LOXL2: variants seen among roughly 807,000 people sequenced by gnomAD.
LOXL2 encodes the protein lysyl oxidase homolog 2.
In LOXL2, 70 loss-of-function variants were observed where a neutral mutation model predicts 93.0. The ratio of observed to expected loss-of-function variants is 0.75; its 90% CI spans 0.62 to 0.92. The LOEUF is 0.92. Among genes scored for constraint, LOXL2 ranks in the 40% least tolerant of loss-of-function variants. The pLI is 0.00. For missense variants in LOXL2, 973 were observed against 1,054.9 expected (o/e 0.92, Z 1.08); for synonymous variants, 438 against 413.2 (o/e 1.06, Z -0.73).
intron 9 of LOXL2, among the ~76,000 whole-genome samples, chr8:23,314,962 G>T (rs1803371134): frequency 6.6e-6 from 1 of 152,210 alleles, no homozygotes; most frequent in Non-Finnish European, 1.5e-5. Context: ...GGAGGGGGTG[G>T]CCAGCGAGGA....
At chr8:23,370,139 C>T (rs1392828838) in intron 1 of LOXL2, among the ~76,000 whole-genome samples, 2 of 152,116 alleles carry the variant, frequency 1.3e-5, no homozygotes, top group African/African-American at 4.8e-5. Flanking sequence ...CTTCGGTTCC[C>T]ACGACGGTGT....
intron 1 of LOXL2, among the ~76,000 whole-genome samples, chr8:23,375,128 T>G (rs1245120431): frequency 6.6e-6 from 1 of 152,228 alleles, no homozygotes; most frequent in South Asian, 2.1e-4. Context: ...TTGTATAAGG[T>G]GTAACGAAGG....
At chr8:23,375,891 T>C (rs1435898758) in intron 1 of LOXL2, among the ~76,000 whole-genome samples, 2 of 152,188 alleles carry the variant, frequency 1.3e-5, no homozygotes, top group African/African-American at 4.8e-5. Context: ...CAAACAGGGA[T>C]AATTTGACTT....
intron 10 of LOXL2, among the ~76,000 whole-genome samples, chr8:23,304,636 A>G (rs949281037): frequency 6.6e-6 from 1 of 152,208 alleles, no homozygotes; most frequent in African/African-American, 2.4e-5. Context: ...GCAAGATTGA[A>G]TAAGATGAAC....
intron 5 of LOXL2, among the ~76,000 whole-genome samples, chr8:23,329,370 T>A (rs1803637363): frequency 6.6e-6 from 1 of 152,220 alleles, no homozygotes; most frequent in Non-Finnish European, 1.5e-5. Context: ...CCCCCAGTGT[T>A]CACTGACAGT....
intron 1 of LOXL2, among the ~76,000 whole-genome samples, chr8:23,374,571 G>A (rs1439153695): frequency 2.6e-5 from 4 of 152,202 alleles, no homozygotes; most frequent in Non-Finnish European, 5.9e-5. Context: ...CACCAACAGT[G>A]TAAAAGTGTT....
intron 3 of LOXL2, among the ~76,000 whole-genome samples, chr8:23,345,193 T>C (rs940103514): frequency 6.6e-6 from 1 of 152,166 alleles, no homozygotes; most frequent in Non-Finnish European, 1.5e-5. Context: ...AGCCAGTAAG[T>C]AGGTAAACAA....
At chr8:23,350,115 C>T (rs6981769) in intron 3 of LOXL2, among the ~76,000 whole-genome samples, 74,664 of 151,876 alleles carry the variant, frequency 0.49, 19,781 homozygotes, top group African/African-American at 0.71. Flanking sequence ...CTGACACCAA[C>T]ACATAGTTAC....
At chr8:23,309,544 G>T in intron 10 of LOXL2, 124 bp downstream of exon 10, 1 of 1,148,036 alleles carries the variant, frequency 8.7e-7, no homozygotes, top group Non-Finnish European at 1.1e-6. Context: ...CACTTAGGAG[G>T]ATCCTATCCC....
At chr8:23,360,738 G>GTGA (rs1183523293) in intron 2 of LOXL2, among the ~76,000 whole-genome samples, 2 of 152,124 alleles carry the variant, frequency 1.3e-5, no homozygotes, top group Non-Finnish European at 2.9e-5. Context: ...ACTAAAAATA[G>GTGA]TGATGATGAT....
At chr8:23,333,093 C>A (rs1017489049) in intron 5 of LOXL2, among the ~76,000 whole-genome samples, 1 of 152,178 alleles carries the variant, frequency 6.6e-6, no homozygotes, top group African/African-American at 2.4e-5. Context: ...AGTTGGGTCA[C>A]ATTTCCAGCT....
Position 23,333,482 on chromosome 8 carries a change from T to C in LOXL2, c.885A>G (p.Leu295=), listed in dbSNP as rs2294127. 7.6e-3 allele frequency: 12,325 copies of C among 1,613,910 alleles called. 1,017 individuals are homozygous for C. The East Asian group carries it at 0.2, about 27-fold the overall frequency. The change falls in exon 5 of 14, where the codon CTA becomes CTG. Residue 295 remains leucine, a synonymous_variant. Coordinates refer to ENST00000389131, the MANE Select transcript of LOXL2 (RefSeq NM_002318.3). The part of the protein sequence containing the change: ...PMKNVTCENG[L]PAVVSCVPGQ... ...CAGGCACACAACTCACCACGGCCGG[T>C]AGCCCATTCTCGCAGGTGACATTCT...
Position 23,333,454 on chromosome 8 carries a change from G to T in LOXL2, c.913C>A (p.Gln305Lys). Residue 305 changes from glutamine (Q) to lysine (K), a missense_variant, in exon 5 of 14, where the codon CAG becomes AAG. Transcript: ENST00000389131. ...LPAVVSCVPG[Q>K]VFSPDGPSRF... ...GAGGGTCCGTCAGGGCTGAAGACCT[G>T]CCCAGGCACACAACTCACCACGGCC... The T allele has an allele frequency of 1.2e-6, 2 of 1,613,932 alleles. No homozygotes were observed. The highest frequency in any genetic ancestry group is 1.7e-6 in the Non-Finnish European group (2 of 1,180,038).
intron 5 of LOXL2, among the ~76,000 whole-genome samples, chr8:23,330,853 G>A (rs1212386504): frequency 3.9e-5 from 6 of 152,010 alleles, no homozygotes; most frequent in African/African-American, 1.4e-4. Flanking sequence ...GGGACATGGC[G>A]CTGTCCAGGC....
chr8:23,333,519 AGTGAC>A lies in LOXL2; in HGVS notation c.843_847del (p.Ser282GlyfsTer27), dbSNP rs2117173081. ...GCAGGTGACATTCTTCATGGGGTCC[AGTGAC>A]ACCTGGGGGCCCAGCTTGCAGCTGG... On this transcript the variant is annotated frameshift_variant, in exon 5 of 14. Coordinates refer to ENST00000389131, the MANE Select transcript of LOXL2 (RefSeq NM_002318.3). LOFTEE classifies it high-confidence loss of function. 6.2e-7 allele frequency: 1 copy of A among 1,614,034 alleles called. No individual in the cohort carries two copies. Among genetic ancestry groups the A allele is most frequent in the East Asian group, 2.2e-5 (1 of 44,886 alleles).
At position 23,309,787 on chromosome 8, in the gene LOXL2, G is replaced by C; in HGVS notation, c.1761C>G (p.Thr587=). The C allele has an allele frequency of 6.2e-7, 1 of 1,603,630 alleles. No homozygotes were observed. The highest frequency in any genetic ancestry group is 8.5e-7 in the Non-Finnish European group (1 of 1,175,324). The change falls in exon 10 of 14, where the codon ACC becomes ACG. Residue 587 remains threonine, a synonymous_variant. Transcript: ENST00000389131. ...ENCLSASAAQ[T]DPTTGYRRLL... ...GCCGGCGGTAGCCCGTGGTGGGGTC[G>C]GTCTGCGCGGCTGAGGCCGAGAGGC...
chr8:23,359,674 C>T (rs533207339), intron 3 of LOXL2, among the ~76,000 whole-genome samples: 2 of 152,354 alleles, frequency 1.3e-5, no homozygotes, highest in South Asian at 4.1e-4. Flanking sequence ...CTCTTTTCAG[C>T]TGCAAAACCT....
At chr8:23,402,155 C>T (rs1411578026) in intron 1 of LOXL2, among the ~76,000 whole-genome samples, 1 of 152,104 alleles carries the variant, frequency 6.6e-6, no homozygotes, top group Non-Finnish European at 1.5e-5. Flanking sequence ...CACAGGAATA[C>T]ATATGCACAC....
At chr8:23,355,317 C>T (rs1056040627) in intron 3 of LOXL2, among the ~76,000 whole-genome samples, 3 of 151,716 alleles carry the variant, frequency 2.0e-5, no homozygotes, top group Admixed American at 2.0e-4. Context: ...CCATCTCCCC[C>T]CATATCTCTT....
Sources: allele counts gnomAD v4.1 joint callset (sites outside exome capture counted in the v4.1 genomes callset), GRCh38; gene constraint gnomAD v4.1.1; transcripts MANE v1.5; gene names NCBI Gene and HGNC (gene_info 2026-07-23, HGNC 2026-07-21).